The following PTK7 variants were observed in gnomAD, a reference collection of about 807,000 sequenced individuals.
PTK7 encodes the protein inactive tyrosine-protein kinase 7.
In PTK7, 39 loss-of-function variants were observed where a neutral mutation model predicts 116.6. The observed-to-expected ratio is 0.33, with a 90% CI of 0.26 to 0.44. The LOEUF is 0.44. Among genes scored for constraint, PTK7 ranks in the 20% least tolerant of loss-of-function variants. The probability of loss-of-function intolerance (pLI) is 1.00; values close to 1 mark genes in which losing one functional copy is unlikely to be tolerated. For missense variants in PTK7, 1,169 were observed against 1,425.6 expected (o/e 0.82, Z 2.90); for synonymous variants, 546 against 563.6 (o/e 0.97, Z 0.44).
At chr6:43,085,954 AC>A (rs1419039324) in intron 1 of PTK7, among the ~76,000 whole-genome samples, 8 of 115,070 alleles carry the variant, frequency 7.0e-5, no homozygotes, top group African/African-American at 2.6e-4. Context: ...AAAAAAAAAA[AC>A]ATGGCTTCCT....
At chr6:43,131,027 CATCA>C (rs1278041684) in intron 5 of PTK7, among the ~76,000 whole-genome samples, 1 of 109,328 alleles carries the variant, frequency 9.1e-6, no homozygotes, top group Non-Finnish European at 1.8e-5. Flanking sequence ...GTGGCAAAGA[CATCA>C]CACACACACA....
At chr6:43,137,869 T>C (rs9369401) in intron 7 of PTK7, among the ~76,000 whole-genome samples, 80,648 of 151,974 alleles carry the variant, frequency 0.53, 22,204 homozygotes, top group African/African-American at 0.67. Flanking sequence ...TGCAGTGGCG[T>C]GATCTCGGCT....
At chr6:43,149,217 C>T (rs546094297) in intron 17 of PTK7, among the ~76,000 whole-genome samples, 22 of 151,706 alleles carry the variant, frequency 1.5e-4, no homozygotes, top group Admixed American at 7.9e-4. Context: ...ACTAAAAATA[C>T]AAAAAGTACC....
intron 1 of PTK7, among the ~76,000 whole-genome samples, chr6:43,118,005 A>C (rs1369350511): frequency 1.3e-5 from 2 of 151,826 alleles, no homozygotes; most frequent in Non-Finnish European, 2.9e-5. Context: ...TTAAAAAAAG[A>C]AGAAGAAGAA....
At chr6:43,107,504 T>C (rs1373066352) in intron 1 of PTK7, among the ~76,000 whole-genome samples, 4 of 152,214 alleles carry the variant, frequency 2.6e-5, no homozygotes, top group Admixed American at 1.3e-4. Flanking sequence ...CAAGTTAATA[T>C]GGTTAAATGT....
chr6:43,118,659 C>CTATA lies in PTK7; in HGVS notation c.80-10292_80-10289dup, dbSNP rs58935341. On this transcript the variant is annotated intron_variant, in intron 1 of 19. Coordinates refer to ENST00000230419, the MANE Select transcript of PTK7 (RefSeq NM_002821.5). ...TCTCTCTCTCTCTCTCTCTCTCTCT[C>CTATA]TATATATATATATATATATATATAT... 1.1e-3 allele frequency among the ~76,000 whole-genome samples: 60 copies of CTATA among 53,002 alleles called. 1 individual carries two copies. Among genetic ancestry groups the CTATA allele is most frequent in the East Asian group, 2.8e-3 (6 of 2,110 alleles). The allele number at this position is 53,002 out of a possible 152,430, so 34.8% of individuals were successfully genotyped here.
intron 17 of PTK7, among the ~76,000 whole-genome samples, chr6:43,147,555 G>T (rs1157566509): frequency 2.0e-5 from 3 of 152,200 alleles, no homozygotes; most frequent in Admixed American, 6.5e-5. Context: ...TAGGCAGAAG[G>T]CTCTGCCCTT....
intron 1 of PTK7, among the ~76,000 whole-genome samples, chr6:43,112,378 C>T (rs1318588362): frequency 1.3e-5 from 2 of 151,868 alleles, no homozygotes; most frequent in African/African-American, 4.8e-5. Flanking sequence ...AAGTGATTCT[C>T]TTGCCTCAGC....
chr6:43,153,104 TTTTA>T (rs200297875), intron 17 of PTK7, among the ~76,000 whole-genome samples: 9,613 of 148,886 alleles, frequency 0.065, 575 homozygotes, highest in African/African-American at 0.16. Context: ...ATTTAATGTA[TTTTA>T]TTTATTTATT....
intron 17 of PTK7, among the ~76,000 whole-genome samples, chr6:43,156,479 C>T (rs968996326): frequency 6.6e-6 from 1 of 151,900 alleles, no homozygotes. Context: ...ATTGATGGTA[C>T]ACATTTTTGT....
chr6:43,119,966 C>T (rs1023777824), intron 1 of PTK7, among the ~76,000 whole-genome samples: 3 of 152,148 alleles, frequency 2.0e-5, no homozygotes, highest in East Asian at 1.9e-4. Flanking sequence ...CTGGGTTCCA[C>T]GGTTCCTTAG....
At chr6:43,159,040 T>TG in intron 18 of PTK7, 72 bp downstream of exon 18, 4 of 1,571,680 alleles carry the variant, frequency 2.5e-6, no homozygotes, top group East Asian at 2.3e-5. Context: ...ACAGATAGTT[T>TG]GGGGGGTGTG....
In PTK7 at chr6:43,103,456, G is replaced by GGTGTGTGT. The variant is rs3840390; in HGVS notation, c.80-25506_80-25499dup. 9.2e-3 allele frequency among the ~76,000 whole-genome samples: 1,376 copies of GGTGTGTGT among 150,338 alleles called. 14 individuals carry two copies. The highest frequency in any genetic ancestry group is 0.038 in the East Asian group (191 of 5,068). On this transcript the variant is annotated intron_variant, in intron 1 of 19. Coordinates refer to ENST00000230419, the MANE Select transcript of PTK7 (RefSeq NM_002821.5). The stretch of plus-strand genomic sequence containing the variant: ...GTCATAGCAGTGCTGGAGTATTACA[G>GGTGTGTGT]GTGTGTGTGTGTGTGTGTGTGTAGC...
intron 17 of PTK7, among the ~76,000 whole-genome samples, chr6:43,148,831 C>T (rs1279422426): frequency 6.6e-6 from 1 of 151,690 alleles, no homozygotes; most frequent in Non-Finnish European, 1.5e-5. Flanking sequence ...GAGGCCGAGG[C>T]GGGCAGATCA....
rs144790631 is a variant in PTK7, at chr6:43,142,987, C to G, written c.2048-430C>G. On this transcript the variant is annotated intron_variant, in intron 13 of 19. Coordinates refer to ENST00000230419, the MANE Select transcript of PTK7 (RefSeq NM_002821.5). ...GTGGGCCATTAAAAGGCCCCTAGACCAGCAGATCCCTTCTACAGATCTGCT... is the reference window on the plus strand; with the variant it reads ...GTGGGCCATTAAAAGGCCCCTAGACGAGCAGATCCCTTCTACAGATCTGCT... 3.1e-3 allele frequency: 534 copies of G among 174,770 alleles called. 1 individual carries two copies. Among genetic ancestry groups the G allele is most frequent in the African/African-American group, 0.011 (478 of 41,844 alleles). 10.8% of individuals were successfully genotyped at this position (174,770 alleles called of 1,614,324 possible).
chr6:43,109,911 G>C (rs1768098857), intron 1 of PTK7, among the ~76,000 whole-genome samples: 1 of 151,520 alleles, frequency 6.6e-6, no homozygotes, highest in Non-Finnish European at 1.5e-5. Flanking sequence ...TGTTAGTCAG[G>C]ATGATCTCGA....
intron 1 of PTK7, among the ~76,000 whole-genome samples, chr6:43,099,143 C>A (rs1582086268): frequency 4.1e-5 from 6 of 144,976 alleles, no homozygotes; most frequent in Admixed American, 4.1e-4. Context: ...GTGACTTTGG[C>A]AATTCTAATG....
At chr6:43,080,929 G>A (rs1401477039) in intron 1 of PTK7, among the ~76,000 whole-genome samples, 5 of 149,610 alleles carry the variant, frequency 3.3e-5, no homozygotes, top group African/African-American at 1.0e-4. Flanking sequence ...GCGACGGAAC[G>A]AGACTCCGTC....
At chr6:43,157,301 G>A (rs1191158712) in intron 17 of PTK7, among the ~76,000 whole-genome samples, 1 of 119,892 alleles carries the variant, frequency 8.3e-6, no homozygotes, top group Non-Finnish European at 1.7e-5. Context: ...ACACACACGT[G>A]CGTGCACACA....
Sources: gnomAD v4.1 joint callset for allele counts (sites outside exome capture counted in the v4.1 genomes callset) on GRCh38, gnomAD v4.1.1 for gene constraint, MANE v1.5 for transcripts, NCBI Gene and HGNC (gene_info 2026-07-23, HGNC 2026-07-21) for gene names.